NKAIN2: variants seen among roughly 807,000 people sequenced by gnomAD.
The protein encoded by NKAIN2 is sodium/potassium-transporting ATPase subunit beta-1-interacting protein 2.
Under a neutral mutation model 32.6 loss-of-function variants are expected in NKAIN2, and 14 were observed. The observed-to-expected ratio is 0.43, with a 90% CI of 0.28 to 0.67. NKAIN2 has a LOEUF of 0.67. NKAIN2 is among the 30% of genes least tolerant of loss of function. The probability of loss-of-function intolerance (pLI) is 0.17; values close to 1 mark genes in which losing one functional copy is unlikely to be tolerated. For missense variants in NKAIN2, 198 were observed against 258.3 expected (o/e 0.77, Z 1.60); for synonymous variants, 80 against 87.2 (o/e 0.92, Z 0.46).
chr6:124,578,486 C>A (rs939783305), intron 3 of NKAIN2, among the ~76,000 whole-genome samples: 1 of 151,710 alleles, frequency 6.6e-6, no homozygotes, highest in Admixed American at 6.6e-5. Context: ...GACTCCTCTG[C>A]TTGTGGAAAA....
intron 5 of NKAIN2, among the ~76,000 whole-genome samples, chr6:124,804,881 T>C (rs1185195164): frequency 6.6e-6 from 1 of 152,176 alleles, no homozygotes; most frequent in African/African-American, 2.4e-5. Flanking sequence ...CCACGGAGTC[T>C]CACTGATTGC....
intron 3 of NKAIN2, among the ~76,000 whole-genome samples, chr6:124,551,249 T>C (rs576635231): frequency 6.6e-6 from 1 of 152,374 alleles, no homozygotes; most frequent in African/African-American, 2.4e-5. Context: ...ATTAGTCTAT[T>C]GTCATAGAAA....
intron 4 of NKAIN2, among the ~76,000 whole-genome samples, chr6:124,712,308 G>C (rs1349357767): frequency 8.3e-6 from 1 of 120,212 alleles, no homozygotes; most frequent in African/African-American, 3.4e-5. Context: ...GGAGCCTACA[G>C]AGGCAGGCAG....
At chr6:124,277,685 G>A (rs186143669) in intron 1 of NKAIN2, among the ~76,000 whole-genome samples, 19 of 152,232 alleles carry the variant, frequency 1.2e-4, no homozygotes, top group African/African-American at 4.3e-4. Flanking sequence ...ATCTGAGTCT[G>A]TCTTCTCTCT....
intron 4 of NKAIN2, among the ~76,000 whole-genome samples, chr6:124,673,894 CT>C (rs1054726881): frequency 6.6e-6 from 1 of 151,790 alleles, no homozygotes; most frequent in African/African-American, 2.4e-5. Flanking sequence ...TAAAGTCTAA[CT>C]TGTCTATTTT....
intron 4 of NKAIN2, among the ~76,000 whole-genome samples, chr6:124,689,511 T>C (rs1774158158): frequency 6.6e-6 from 1 of 152,158 alleles, no homozygotes; most frequent in African/African-American, 2.4e-5. Flanking sequence ...GCAAAGACAG[T>C]GTCATGTCTA....
rs181528474 is a variant in NKAIN2 at position 124,337,413 on chromosome 6, A to C, written c.193-17854A>C. Among the ~76,000 whole-genome samples the C allele has an allele frequency of 2.6e-5, 4 of 152,326 alleles. No homozygotes were observed. In the East Asian group the frequency reaches 7.7e-4, roughly 29 times the overall value. On this transcript the variant is annotated intron_variant, in intron 2 of 6. Coordinates refer to ENST00000368417, the MANE Select transcript of NKAIN2 (RefSeq NM_001040214.3). ...TCCCAGCTGCTCAACAGGCTGAGGT[A>C]AGAGGACCACTCTAGCCTAGGAGTT...
In NKAIN2 at chr6:124,705,647, C is replaced by T. The variant is rs370377215; in HGVS notation, c.474+47261C>T. On this transcript the variant is annotated intron_variant, in intron 4 of 6. Coordinates refer to ENST00000368417, the MANE Select transcript of NKAIN2 (RefSeq NM_001040214.3). ...GAGTCATTGGGAGACTAGAAACAGG[C>T]AAATTATGTCCTGATTTTCAAAATC... Among the ~76,000 whole-genome samples, 50 of 152,118 alleles carry T rather than the reference C, an allele frequency of 3.3e-4. No homozygotes were observed. The East Asian group carries it at 5.8e-3, about 18-fold the overall frequency.
At chr6:124,792,705 A>G (rs1028566189) in intron 5 of NKAIN2, among the ~76,000 whole-genome samples, 2 of 152,134 alleles carry the variant, frequency 1.3e-5, no homozygotes, top group Admixed American at 1.3e-4. Flanking sequence ...ATAGATCTTT[A>G]TTGTGTAGCT....
intron 1 of NKAIN2, among the ~76,000 whole-genome samples, chr6:123,853,016 A>G (rs146175531): frequency 3.8e-4 from 58 of 152,348 alleles, no homozygotes; most frequent in Non-Finnish European, 5.0e-4. Context: ...TGTAGACTTT[A>G]TCATCATGTT....
At chr6:123,937,311 GA>G (rs1442426295) in intron 1 of NKAIN2, among the ~76,000 whole-genome samples, 1 of 152,016 alleles carries the variant, frequency 6.6e-6, no homozygotes, top group Non-Finnish European at 1.5e-5. Context: ...TTGATTTCTA[GA>G]AAAGATTTTG....
intron 1 of NKAIN2, among the ~76,000 whole-genome samples, chr6:123,959,740 A>AT (rs1270920137): frequency 2.0e-5 from 3 of 148,090 alleles, no homozygotes; most frequent in Admixed American, 6.8e-5. Context: ...GGAAGTTAGA[A>AT]TTTTTTTTCC....
At chr6:124,590,929 C>T (rs1359520023) in intron 3 of NKAIN2, among the ~76,000 whole-genome samples, 2 of 152,160 alleles carry the variant, frequency 1.3e-5, no homozygotes. Context: ...AGAATACAAT[C>T]ACTCAAGGGG....
At chr6:124,387,343 A>G (rs332610) in intron 3 of NKAIN2, among the ~76,000 whole-genome samples, 87,443 of 151,232 alleles carry the variant, frequency 0.58, 25,364 homozygotes, top group South Asian at 0.67. Context: ...TGTGTGAAAG[A>G]ACCTCCTTGC....
intron 2 of NKAIN2, among the ~76,000 whole-genome samples, chr6:124,343,401 G>A (rs528269004): frequency 0.011 from 1,639 of 150,338 alleles, 34 homozygotes; most frequent in African/African-American, 0.038. Flanking sequence ...CAGAGGAATC[G>A]CCACACTGAC....
At chr6:123,991,615 C>G (rs1481565039) in intron 1 of NKAIN2, among the ~76,000 whole-genome samples, 1 of 152,104 alleles carries the variant, frequency 6.6e-6, no homozygotes, top group African/African-American at 2.4e-5. Flanking sequence ...GTAATCCCAG[C>G]ACTTTGGGAG....
intron 1 of NKAIN2, among the ~76,000 whole-genome samples, chr6:123,848,475 G>C (rs986879137): frequency 6.6e-6 from 1 of 152,178 alleles, no homozygotes; most frequent in Non-Finnish European, 1.5e-5. Context: ...GTTCTCACAA[G>C]ATCTGATGGT....
intron 1 of NKAIN2, among the ~76,000 whole-genome samples, chr6:123,872,029 A>G (rs549428773): frequency 3.3e-5 from 5 of 152,078 alleles, no homozygotes; most frequent in Non-Finnish European, 7.4e-5. Flanking sequence ...TTTTAAGCTG[A>G]TCATTTTATT....
chr6:124,040,246 A>T (rs1382348183), intron 1 of NKAIN2, among the ~76,000 whole-genome samples: 1 of 151,922 alleles, frequency 6.6e-6, no homozygotes, highest in African/African-American at 2.4e-5. Context: ...TTTTATAAAT[A>T]TTTATGTAAG....
Sources: allele counts gnomAD v4.1 joint callset (sites outside exome capture counted in the v4.1 genomes callset), GRCh38; gene constraint gnomAD v4.1.1; transcripts MANE v1.5; gene names NCBI Gene and HGNC (gene_info 2026-07-23, HGNC 2026-07-21).